PARN: variants seen among roughly 807,000 people sequenced by gnomAD.
PARN encodes the protein poly(A)-specific ribonuclease PARN.
In PARN, 71 loss-of-function variants were observed where a neutral mutation model predicts 102.8. That is an observed-to-expected ratio of 0.69 (90% CI 0.57 to 0.84). The LOEUF is 0.84. Among genes scored for constraint, PARN ranks in the 40% least tolerant of loss-of-function variants. The pLI is 0.00. For synonymous variants in PARN, 261 were observed against 252.9 expected (o/e 1.03, Z -0.30); for missense variants, 782 against 760.9 (o/e 1.03, Z -0.33).
At chr16:14,618,531 T>C (rs1972076827) in intron 5 of PARN, among the ~76,000 whole-genome samples, 1 of 150,042 alleles carries the variant, frequency 6.7e-6, no homozygotes, top group Non-Finnish European at 1.5e-5. Context: ...TGTGGTGGTG[T>C]GTACCTGCAA....
At chr16:14,491,792 A>C (rs139233333) in intron 21 of PARN, among the ~76,000 whole-genome samples, 362 of 152,324 alleles carry the variant, frequency 2.4e-3, no homozygotes, top group African/African-American at 7.4e-3. Context: ...GAAAATAAAT[A>C]AGTAAACAAA....
At chr16:14,531,091 C>G (rs564027043) in intron 21 of PARN, among the ~76,000 whole-genome samples, 1 of 152,164 alleles carries the variant, frequency 6.6e-6, no homozygotes, top group Non-Finnish European at 1.5e-5. Flanking sequence ...TGTCTCATGC[C>G]TGTAATCCCA....
In PARN at chr16:14,541,524, G is replaced by T. The variant is rs572534827; in HGVS notation, c.1480+10497C>A. 3.3e-5 allele frequency among the ~76,000 whole-genome samples: 5 copies of T among 152,234 alleles called. No individual in the cohort carries two copies. The South Asian group carries it at 1.0e-3, about 32-fold the overall frequency. ...GGAGTCTCGCTCTGTCACCCAGGCT[G>T]GAGTGCAGTGGTGTGATCTCGGCTC... On this transcript the variant is annotated intron_variant, in intron 21 of 23. Transcript: ENST00000437198.
At chr16:14,527,210 G>A (rs1383000084) in intron 21 of PARN, among the ~76,000 whole-genome samples, 1 of 152,166 alleles carries the variant, frequency 6.6e-6, no homozygotes. Context: ...GTAAACAGCT[G>A]AATCTCCAAA....
chr16:14,566,798 G>C (rs974184748), intron 18 of PARN, among the ~76,000 whole-genome samples: 1 of 152,220 alleles, frequency 6.6e-6, no homozygotes. Flanking sequence ...TCAGCACGTG[G>C]ACTGCCCCTG....
intron 22 of PARN, among the ~76,000 whole-genome samples, chr16:14,479,248 G>A (rs1274237888): frequency 6.6e-6 from 1 of 151,936 alleles, no homozygotes; most frequent in Non-Finnish European, 1.5e-5. Context: ...GTAAAACCTT[G>A]TCTCTACAAA....
intron 21 of PARN, among the ~76,000 whole-genome samples, chr16:14,522,475 G>C (rs1200467671): frequency 3.9e-5 from 6 of 152,178 alleles, no homozygotes. Context: ...TGGAGTTTAA[G>C]GTCAGCATGG....
At chr16:14,469,191 G>C (rs952171666) in intron 22 of PARN, among the ~76,000 whole-genome samples, 1 of 152,108 alleles carries the variant, frequency 6.6e-6, no homozygotes, top group Admixed American at 6.5e-5. Context: ...TAGCTACTTG[G>C]GAGGCTGAGG....
At chr16:14,485,653 A>C (rs930962559) in intron 21 of PARN, among the ~76,000 whole-genome samples, 3 of 151,176 alleles carry the variant, frequency 2.0e-5, no homozygotes, top group African/African-American at 7.3e-5. Context: ...TTCTATTTCA[A>C]TTCTTTTTTT....
Position 14,627,032 on chromosome 16 carries a change from C to CA in PARN, c.327+73dup, listed in dbSNP as rs576245285. ...CCAAAGCCCAAAGTTAATAGAGAACCAAATTCTGATTTCACATTTCCATGC... is the reference window on the plus strand; with the variant it reads ...CCAAAGCCCAAAGTTAATAGAGAACCAAAATTCTGATTTCACATTTCCATGC... On this transcript the variant is annotated intron_variant, in intron 5 of 23. Coordinates refer to ENST00000437198, the MANE Select transcript of PARN (RefSeq NM_002582.4). 2.5e-4 allele frequency: 224 copies of CA among 881,658 alleles called. No homozygotes were observed. In the African/African-American group the frequency reaches 3.3e-3, roughly 13 times the overall value. The allele number at this position is 881,658 out of a possible 1,614,324, so 54.6% of individuals were successfully genotyped here. A position where few individuals can be genotyped will look rare whatever the true frequency, so the allele number is the denominator to read the frequency against.
At chr16:14,565,880 C>T (rs921213631) in intron 18 of PARN, among the ~76,000 whole-genome samples, 2 of 152,188 alleles carry the variant, frequency 1.3e-5, no homozygotes, top group Non-Finnish European at 2.9e-5. Flanking sequence ...AAAAAACAGT[C>T]AATGCAGGTG....
intron 16 of PARN, among the ~76,000 whole-genome samples, chr16:14,582,721 G>A (rs1237691725): frequency 2.0e-5 from 3 of 152,144 alleles, no homozygotes; most frequent in Middle Eastern, 3.4e-3. Flanking sequence ...GAGTCACACT[G>A]AGTTCGAATC....
intron 18 of PARN, among the ~76,000 whole-genome samples, chr16:14,579,463 A>C (rs922665070): frequency 3.3e-5 from 5 of 152,082 alleles, no homozygotes; most frequent in Non-Finnish European, 5.9e-5. Context: ...ATGACTACTC[A>C]AGAGACTGAG....
chr16:14,468,808 G>A (rs911513651), intron 22 of PARN, among the ~76,000 whole-genome samples: 3 of 151,964 alleles, frequency 2.0e-5, no homozygotes, highest in Non-Finnish European at 4.4e-5. Context: ...TTGGGAGGCT[G>A]AGGTGGGAGG....
chr16:14,482,874 T>G, intron 21 of PARN, 47 bp from the exon 22 acceptor site: 4 of 1,477,270 alleles, frequency 2.7e-6, no homozygotes, highest in Non-Finnish European at 3.6e-6. Context: ...AAGTCTGGCC[T>G]AGCCCCAAAG....
chr16:14,543,807 CA>C (rs1360444334), intron 21 of PARN, among the ~76,000 whole-genome samples: 1 of 152,028 alleles, frequency 6.6e-6, no homozygotes, highest in Non-Finnish European at 1.5e-5. Context: ...AAACAAAAAG[CA>C]AATTTTAAAA....
chr16:14,564,419 G>T (rs1968299740), intron 18 of PARN, among the ~76,000 whole-genome samples: 1 of 152,202 alleles, frequency 6.6e-6, no homozygotes, highest in Admixed American at 6.5e-5. Context: ...ACAACACGCA[G>T]TGAAGAGAGC....
intron 15 of PARN, 66 bp from the exon 16 acceptor site, chr16:14,584,488 A>G (rs1334323511): frequency 1.0e-5 from 13 of 1,304,610 alleles, no homozygotes; most frequent in Non-Finnish European, 1.4e-5. Flanking sequence ...AAAGAGATTC[A>G]CTGACCCCCC....
In PARN at chr16:14,552,046, A is replaced by G; in HGVS notation, c.1455T>C (p.Leu485=). 1 of 1,612,502 alleles carries G rather than the reference A, an allele frequency of 6.2e-7. No homozygotes were observed. Among genetic ancestry groups the G allele is most frequent in the Non-Finnish European group, 8.5e-7 (1 of 1,178,714 alleles). Residue 485 remains leucine, a synonymous_variant, in exon 21 of 24, where the codon CTT becomes CTC. Coordinates refer to ENST00000437198, the MANE Select transcript of PARN (RefSeq NM_002582.4). ...WIDDTSAFVS[L]SQPEQVKIAV... ...CAATCTTTACTTGCTCGGGCTGGCT[A>G]AGGGAAACAAATGCTGATGTGTCAT...
Sources: allele counts gnomAD v4.1 joint callset (sites outside exome capture counted in the v4.1 genomes callset), GRCh38; gene constraint gnomAD v4.1.1; transcripts MANE v1.5; gene names NCBI Gene and HGNC (gene_info 2026-07-23, HGNC 2026-07-21).